CPVL: variants seen among roughly 807,000 people sequenced by gnomAD.
The protein encoded by CPVL is probable serine carboxypeptidase CPVL.
A neutral mutation model predicts 63.7 loss-of-function variants in CPVL; 51 were observed. The observed-to-expected ratio is 0.80, with a 90% CI of 0.64 to 1.01. The LOEUF is 1.01. Among genes scored for constraint, CPVL ranks in the 50% least tolerant of loss-of-function variants. The pLI is 0.00. For synonymous variants in CPVL, 195 were observed against 206.0 expected (o/e 0.95, Z 0.46); for missense variants, 530 against 573.1 (o/e 0.92, Z 0.77).
intron 1 of CPVL, chr7:29,126,411 A>G (rs1443982170): frequency 6.6e-6 from 1 of 152,186 alleles, no homozygotes; most frequent in Non-Finnish European, 1.5e-5. Context: ...ATTTTCCATT[A>G]GCTCACACTC....
At chr7:29,039,400 C>G (rs1012189622) in intron 11 of CPVL, among the ~76,000 whole-genome samples, 2 of 152,052 alleles carry the variant, frequency 1.3e-5, no homozygotes, top group Admixed American at 1.3e-4. Flanking sequence ...CAGAAGAGTA[C>G]GTTTACAGAC....
intron 11 of CPVL, among the ~76,000 whole-genome samples, chr7:29,044,206 G>A (rs1227647433): frequency 6.6e-6 from 1 of 152,008 alleles, no homozygotes; most frequent in East Asian, 1.9e-4. Context: ...GACCTGAAGT[G>A]AGGAGTTCAA....
At chr7:29,186,589 A>C (rs1382657407) in intron 1 of CPVL, 1 of 151,776 alleles carries the variant, frequency 6.6e-6, no homozygotes, top group African/African-American at 2.4e-5. Context: ...AAAGAAAGAA[A>C]GGGAGGAAGG....
rs932310977 is a variant in CPVL at position 29,163,728 on chromosome 7, T to A, written c.-11+17562A>T. Among the ~76,000 whole-genome samples, 5 of 152,328 alleles carry A rather than the reference T, an allele frequency of 3.3e-5. No homozygotes were observed. In the East Asian group the frequency reaches 9.6e-4, roughly 29 times the overall value. ...ATCTCTGTCACCAGGCAATTGCTGATCAGCTTTCCATTACTATAGATTAGC... is the reference window on the plus strand; with the variant it reads ...ATCTCTGTCACCAGGCAATTGCTGAACAGCTTTCCATTACTATAGATTAGC... On this transcript the variant is annotated intron_variant, in intron 5 of 16. Coordinates refer to the CPVL transcript ENST00000409850.
chr7:29,155,271 A>G (rs1794198636), intron 5 of CPVL, among the ~76,000 whole-genome samples: 1 of 152,260 alleles, frequency 6.6e-6, no homozygotes, highest in Non-Finnish European at 1.5e-5. Context: ...GAAAACAACT[A>G]CATTTTAACA....
At chr7:29,112,642 T>C in intron 3 of CPVL, 62 bp downstream of exon 3, 5 of 1,082,490 alleles carry the variant, frequency 4.6e-6, no homozygotes, top group South Asian at 1.3e-5. Flanking sequence ...TAGGCTAACA[T>C]TTCTACCCTC....
chr7:29,194,827 C>A, intron 1 of CPVL: 1 of 964,930 alleles, frequency 1.0e-6, no homozygotes, highest in Non-Finnish European at 1.4e-6. Flanking sequence ...TCTGCGCGTC[C>A]CCAGGACTTT....
chr7:29,097,808 A>G (rs956172895), intron 3 of CPVL, among the ~76,000 whole-genome samples: 1 of 152,206 alleles, frequency 6.6e-6, no homozygotes, highest in Non-Finnish European at 1.5e-5. Flanking sequence ...GGCTTCAATG[A>G]GGTCTGAGCG....
chr7:29,146,327 G>A, intron 1 of CPVL, 102 bp downstream of exon 1: 1 of 471,284 alleles, frequency 2.1e-6, no homozygotes, highest in Non-Finnish European at 3.7e-6. Flanking sequence ...GGTGCTGAGG[G>A]CTTTTGAGAC....
At chr7:29,096,998 A>AC (rs1344026534) in intron 3 of CPVL, among the ~76,000 whole-genome samples, 1 of 151,446 alleles carries the variant, frequency 6.6e-6, no homozygotes, top group Non-Finnish European at 1.5e-5. Context: ...AAAAAAAAAA[A>AC]AAAAAAAAAA....
intron 11 of CPVL, 151 bp from the exon 12 acceptor site, chr7:29,030,910 C>T (rs1584039093): frequency 1.5e-5 from 10 of 677,514 alleles, no homozygotes; most frequent in East Asian, 1.4e-4. Context: ...AATAACAATC[C>T]GAAATAAACT....
chr7:28,998,513 G>T (rs944087988), intron 12 of CPVL, among the ~76,000 whole-genome samples: 2 of 152,206 alleles, frequency 1.3e-5, no homozygotes, highest in African/African-American at 4.8e-5. Flanking sequence ...TTACAATTGG[G>T]AAACAAGTAT....
At chr7:29,098,837 C>T (rs1017157754) in intron 3 of CPVL, among the ~76,000 whole-genome samples, 16 of 151,986 alleles carry the variant, frequency 1.1e-4, no homozygotes, top group Middle Eastern at 3.4e-3. Flanking sequence ...TCGAGGCGGG[C>T]GGATCACCAG....
intron 1 of CPVL, among the ~76,000 whole-genome samples, chr7:29,121,873 G>GGGA (rs1227763352): frequency 6.6e-6 from 1 of 152,046 alleles, no homozygotes; most frequent in Non-Finnish European, 1.5e-5. Flanking sequence ...AAAGAAAGGG[G>GGGA]GGAGGGTCCT....
At chr7:29,071,480 T>C (rs1171445326) in intron 9 of CPVL, among the ~76,000 whole-genome samples, 2 of 152,196 alleles carry the variant, frequency 1.3e-5, no homozygotes, top group Non-Finnish European at 2.9e-5. Context: ...GAGTCTGCCT[T>C]GAGGGCCTCC....
Position 29,106,297 on chromosome 7 carries a change from C to A in CPVL, c.288+6407G>T, listed in dbSNP as rs1040082788. Among the ~76,000 whole-genome samples the A allele has an allele frequency of 2.0e-5, 3 of 152,192 alleles. No homozygotes were observed. The East Asian group carries it at 5.8e-4, about 30-fold the overall frequency. On this transcript the variant is annotated intron_variant, in intron 3 of 12. Coordinates refer to ENST00000265394, the MANE Select transcript of CPVL (RefSeq NM_031311.5). Reference sequence around the variant, plus strand: ...TGAGAGGGCTGCAGAGAGAGCAGGGCTGTAGGGAGCCTGCTCACCGGCAAG... The same window carrying A: ...TGAGAGGGCTGCAGAGAGAGCAGGGATGTAGGGAGCCTGCTCACCGGCAAG...
intron 9 of CPVL, among the ~76,000 whole-genome samples, chr7:29,070,641 T>C (rs1351837050): frequency 6.6e-6 from 1 of 152,156 alleles, no homozygotes; most frequent in Non-Finnish European, 1.5e-5. Flanking sequence ...CCACATTTAG[T>C]GTCCTGACAC....
intron 11 of CPVL, among the ~76,000 whole-genome samples, chr7:29,043,332 A>C (rs139238375): frequency 2.0e-5 from 3 of 151,580 alleles, no homozygotes; most frequent in African/African-American, 7.3e-5. Flanking sequence ...TTTCTGCCCC[A>C]TGCTCTCAAT....
At chr7:29,136,186 C>T (rs555690143) in intron 1 of CPVL, among the ~76,000 whole-genome samples, 13 of 152,242 alleles carry the variant, frequency 8.5e-5, no homozygotes, top group South Asian at 4.1e-4. Flanking sequence ...AACTGACTAC[C>T]GCATGAGTTT....
Sources: gnomAD v4.1 joint callset for allele counts (sites outside exome capture counted in the v4.1 genomes callset) on GRCh38, gnomAD v4.1.1 for gene constraint, MANE v1.5 for transcripts, NCBI Gene and HGNC (gene_info 2026-07-23, HGNC 2026-07-21) for gene names.